The following PARD3B variants were observed in gnomAD, a reference collection of about 807,000 sequenced individuals.
The protein encoded by PARD3B is par-3 family cell polarity regulator beta.
In PARD3B, 103 loss-of-function variants were observed where a neutral mutation model predicts 130.2. That is an observed-to-expected ratio of 0.79 (90% CI 0.67 to 0.93). The LOEUF (loss-of-function observed/expected upper bound fraction) is 0.93, where lower values mean the gene tolerates loss of function less well. Ranked by LOEUF, PARD3B falls within the 40% of genes least tolerant of loss-of-function variation. The probability of loss-of-function intolerance (pLI) is 0.00; values close to 1 mark genes in which losing one functional copy is unlikely to be tolerated. For missense variants in PARD3B, 1,609 were observed against 1,499.2 expected, an observed-to-expected ratio of 1.07 and a Z score of -1.21; for synonymous variants, 583 against 553.2, an observed-to-expected ratio of 1.05 and a Z score of -0.76.
intron 3 of PARD3B, among the ~76,000 whole-genome samples, chr2:205,027,899 C>T (rs1179296063): frequency 6.6e-6 from 1 of 152,044 alleles, no homozygotes; most frequent in Non-Finnish European, 1.5e-5. Flanking sequence ...TTTTTGTGCT[C>T]TCTGTTCTGT....
intron 18 of PARD3B, among the ~76,000 whole-genome samples, chr2:205,329,839 C>A (rs2043052403): frequency 6.6e-6 from 1 of 150,650 alleles, no homozygotes; most frequent in African/African-American, 2.4e-5. Flanking sequence ...AAAAATAACA[C>A]AAAAATTAGC....
chr2:205,303,977 TA>T (rs1007963762), intron 18 of PARD3B, among the ~76,000 whole-genome samples: 3 of 152,228 alleles, frequency 2.0e-5, no homozygotes, highest in African/African-American at 7.2e-5. Flanking sequence ...GATGATGGTT[TA>T]GGGGCCAGTT....
chr2:205,546,074 A>C (rs1317394429), intron 21 of PARD3B, among the ~76,000 whole-genome samples: 1 of 152,212 alleles, frequency 6.6e-6, no homozygotes. Context: ...GCATTGAGTG[A>C]ATGAAACTGG....
At chr2:204,888,136 A>C (rs2125683303) in intron 2 of PARD3B, among the ~76,000 whole-genome samples, 1 of 152,182 alleles carries the variant, frequency 6.6e-6, no homozygotes, top group South Asian at 2.1e-4. Context: ...GGGAGGAGAG[A>C]AGGGTAGAGG....
At chr2:205,600,895 A>G (rs2054759427) in intron 22 of PARD3B, among the ~76,000 whole-genome samples, 1 of 152,170 alleles carries the variant, frequency 6.6e-6, no homozygotes, top group African/African-American at 2.4e-5. Context: ...TTCTTTATCC[A>G]GTCTGTCATT....
intron 4 of PARD3B, among the ~76,000 whole-genome samples, chr2:205,097,776 T>G (rs1702487568): frequency 6.6e-6 from 1 of 152,136 alleles, no homozygotes; most frequent in African/African-American, 2.4e-5. Flanking sequence ...TTAGCACTTT[T>G]ATATCTCTAA....
At chr2:205,283,286 T>G (rs1034313238) in intron 16 of PARD3B, among the ~76,000 whole-genome samples, 1 of 152,140 alleles carries the variant, frequency 6.6e-6, no homozygotes, top group Non-Finnish European at 1.5e-5. Flanking sequence ...GCCAAACTTT[T>G]TTTGTTTGTT....
At chr2:205,097,356 A>G (rs1702462168) in intron 4 of PARD3B, among the ~76,000 whole-genome samples, 1 of 152,172 alleles carries the variant, frequency 6.6e-6, no homozygotes, top group Non-Finnish European at 1.5e-5. Flanking sequence ...AGAATCCTAG[A>G]TTCTGGCTTT....
chr2:205,167,143 C>T lies in PARD3B; in HGVS notation c.1621-5068C>T, dbSNP rs75966251. ...GGGTTTAACAAAAAATTTGCCAAGCCAGGTGGATTAAGCCACACAACATTG... is the reference window on the plus strand; with the variant it reads ...GGGTTTAACAAAAAATTTGCCAAGCTAGGTGGATTAAGCCACACAACATTG... On this transcript the variant is annotated intron_variant, in intron 11 of 22. Coordinates refer to ENST00000406610, the MANE Select transcript of PARD3B (RefSeq NM_001302769.2). Among the ~76,000 whole-genome samples, 571 of 152,204 alleles carry T rather than the reference C, an allele frequency of 3.8e-3. 7 individuals carry two copies. Among genetic ancestry groups the T allele is most frequent in the African/African-American group, 0.013 (553 of 41,518 alleles).
chr2:205,493,584 A>G (rs1224183609), intron 20 of PARD3B, among the ~76,000 whole-genome samples: 1 of 152,088 alleles, frequency 6.6e-6, no homozygotes, highest in Non-Finnish European at 1.5e-5. Context: ...AACACTCCCT[A>G]TCCTACTCAC....
intron 16 of PARD3B, among the ~76,000 whole-genome samples, chr2:205,285,173 C>T (rs767834187): frequency 5.9e-5 from 9 of 151,874 alleles, no homozygotes; most frequent in Non-Finnish European, 1.3e-4. Flanking sequence ...GGGAGGCTGA[C>T]GTTTGTAAAA....
At chr2:205,488,183 G>T (rs1032489495) in intron 20 of PARD3B, among the ~76,000 whole-genome samples, 1 of 152,002 alleles carries the variant, frequency 6.6e-6, no homozygotes. Flanking sequence ...AATTAATCTT[G>T]GGAAACACTT....
chr2:205,398,144 C>CA (rs1159952580), intron 18 of PARD3B, among the ~76,000 whole-genome samples: 8 of 151,782 alleles, frequency 5.3e-5, no homozygotes, highest in South Asian at 2.1e-4. Context: ...ACTAAAAATA[C>CA]AAAAAAATTA....
chr2:204,578,060 C>A (rs974505993), intron 1 of PARD3B, among the ~76,000 whole-genome samples: 1 of 152,210 alleles, frequency 6.6e-6, no homozygotes, highest in African/African-American at 2.4e-5. Context: ...CATCTTACAA[C>A]GTAGTGGACA....
At chr2:205,225,544 A>C (rs1239826951) in intron 15 of PARD3B, among the ~76,000 whole-genome samples, 1 of 152,148 alleles carries the variant, frequency 6.6e-6, no homozygotes, top group South Asian at 2.1e-4. Flanking sequence ...TCTCACTCAC[A>C]CTGTTTTAAA....
intron 1 of PARD3B, among the ~76,000 whole-genome samples, chr2:204,635,249 G>A (rs1387579239): frequency 1.3e-5 from 2 of 152,086 alleles, no homozygotes; most frequent in Admixed American, 6.6e-5. Flanking sequence ...CCCGGACGAG[G>A]ATCAGCTGTT....
chr2:204,771,480 A>G (rs2041378088), intron 2 of PARD3B, among the ~76,000 whole-genome samples: 1 of 152,064 alleles, frequency 6.6e-6, no homozygotes, highest in South Asian at 2.1e-4. Flanking sequence ...GCTGTGTTTT[A>G]TGGACATAAA....
chr2:205,300,697 A>G lies in PARD3B; in HGVS notation c.2353A>G (p.Ile785Val), dbSNP rs1458966531. The G allele has an allele frequency of 1.2e-6, 2 of 1,613,856 alleles. No individual in the cohort carries two copies. The highest frequency in any genetic ancestry group is 1.7e-5 in the Admixed American group (1 of 60,024). ...CTGCAATGAGAGCTTTAGAGCAGCC[A>G]TTGACAAATCCTACGATGGACCTGA... ...RGCNESFRAA[I>V]DKSYDGPEEI... is the part of the protein sequence containing the mutation. Residue 785 changes from isoleucine (I) to valine (V), a missense_variant, in exon 17 of 23, where the codon ATT becomes GTT. Coordinates refer to ENST00000406610, the MANE Select transcript of PARD3B (RefSeq NM_001302769.2). The surrounding 1 kb of genome is among the most constrained non-coding windows in gnomAD (Gnocchi z 4.1).
chr2:205,553,279 A>G (rs768915635), intron 21 of PARD3B, 45 bp from the exon 22 acceptor site: 1 of 1,549,464 alleles, frequency 6.5e-7, no homozygotes, highest in African/African-American at 1.4e-5. Context: ...TCAGTAACCA[A>G]GGTGTATAAT....
Sources: allele counts gnomAD v4.1 joint callset (sites outside exome capture counted in the v4.1 genomes callset), GRCh38; gene constraint gnomAD v4.1.1; non-coding constraint Gnocchi (gnomAD v3.1); transcripts MANE v1.5; gene names NCBI Gene and HGNC (gene_info 2026-07-23, HGNC 2026-07-21).